The following HSD17B14 variants were observed in gnomAD, a reference collection of about 807,000 sequenced individuals.
HSD17B14 encodes the protein L-fucose dehydrogenase.
A neutral mutation model predicts 32.2 loss-of-function variants in HSD17B14; 32 were observed. That is an observed-to-expected ratio of 0.99 (90% confidence interval 0.75 to 1.33). The LOEUF is 1.33. Ranked by LOEUF, HSD17B14 falls within the 40% of genes most tolerant of loss-of-function variation. The pLI, the probability that HSD17B14 is intolerant of heterozygous loss-of-function variation, is 0.00. For missense variants in HSD17B14, 370 were observed against 366.5 expected (o/e 1.01, Z -0.08); for synonymous variants, 140 against 155.4 (o/e 0.90, Z 0.74).
At position 48,823,749 on chromosome 19, in the gene HSD17B14, T is replaced by C. The variant is rs771600967; in HGVS notation, c.369+7919A>G. 1.5e-4 allele frequency among the ~76,000 whole-genome samples: 23 copies of C among 150,954 alleles called. 1 individual carries two copies. The highest frequency in any genetic ancestry group is 3.1e-4 in the Non-Finnish European group (21 of 67,794). On this transcript the variant is annotated intron_variant, in intron 5 of 8. Transcript: ENST00000263278. ...CCTCCCTGGGTCCAAGTGATTCTCCTGCCTCAGCCTCCCGAGTAGCTGGGA... is the reference window on the plus strand; with the variant it reads ...CCTCCCTGGGTCCAAGTGATTCTCCCGCCTCAGCCTCCCGAGTAGCTGGGA...
intron 3 of HSD17B14, 41 bp downstream of exon 3, chr19:48,834,235 T>C (rs1453482985): frequency 2.0e-6 from 3 of 1,494,896 alleles, no homozygotes; most frequent in Admixed American, 3.4e-5. Context: ...AAAGAACTGG[T>C]CATTAGCGGA....
intron 5 of HSD17B14, among the ~76,000 whole-genome samples, chr19:48,822,964 C>T (rs181313488): frequency 2.6e-4 from 40 of 152,044 alleles, no homozygotes; most frequent in African/African-American, 8.9e-4. Context: ...ATAATGGCAG[C>T]GACACAAGTG....
At chr19:48,836,211 T>C in intron 1 of HSD17B14, 113 bp downstream of exon 1, 2 of 1,134,846 alleles carry the variant, frequency 1.8e-6, no homozygotes, top group Admixed American at 2.2e-5. Context: ...TTGGCTTTTA[T>C]AATATCAGAA....
chr19:48,823,936 C>T (rs559235362), intron 5 of HSD17B14, among the ~76,000 whole-genome samples: 12 of 150,426 alleles, frequency 8.0e-5, no homozygotes, highest in African/African-American at 2.2e-4. Flanking sequence ...CCACTGCATC[C>T]GGTCTATTTT....
chr19:48,824,903 C>T (rs1161480007), intron 5 of HSD17B14, among the ~76,000 whole-genome samples: 1 of 152,080 alleles, frequency 6.6e-6, no homozygotes, highest in Non-Finnish European at 1.5e-5. Flanking sequence ...AAAAAGCATT[C>T]TAATACACTG....
chr19:48,816,485 G>A (rs2035053112), intron 5 of HSD17B14, among the ~76,000 whole-genome samples: 1 of 152,112 alleles, frequency 6.6e-6, no homozygotes, highest in African/African-American at 2.4e-5. Flanking sequence ...CCCACTCTTA[G>A]GGTGGCCAGC....
intron 5 of HSD17B14, among the ~76,000 whole-genome samples, chr19:48,825,816 A>G (rs1455076285): frequency 6.6e-6 from 1 of 151,576 alleles, no homozygotes; most frequent in Non-Finnish European, 1.5e-5. Context: ...CAACTTGACC[A>G]ACTTTATTTA....
intron 5 of HSD17B14, among the ~76,000 whole-genome samples, chr19:48,822,660 ATGG>A (rs2035179855): frequency 6.7e-6 from 1 of 149,814 alleles, no homozygotes; most frequent in South Asian, 2.2e-4. Flanking sequence ...TGTGGTAATG[ATGG>A]TGATGATGAT....
At chr19:48,836,252 C>G in intron 1 of HSD17B14, 72 bp downstream of exon 1, 12 of 1,409,416 alleles carry the variant, frequency 8.5e-6, no homozygotes, top group African/African-American at 1.4e-5. Flanking sequence ...TCCCTATTTT[C>G]CGCCCCCATC....
intron 3 of HSD17B14, 106 bp downstream of exon 3, chr19:48,834,170 C>T (rs1176310449): frequency 3.4e-6 from 3 of 890,878 alleles, no homozygotes; most frequent in Non-Finnish European, 5.4e-6. Context: ...CCAGCGGAGC[C>T]AGGAGAGGAA....
chr19:48,833,786 A>G (rs2035392026), intron 3 of HSD17B14, among the ~76,000 whole-genome samples: 1 of 151,480 alleles, frequency 6.6e-6, no homozygotes, highest in South Asian at 2.1e-4. Context: ...AGATCACACC[A>G]TTGCACTCCA....
intron 5 of HSD17B14, among the ~76,000 whole-genome samples, chr19:48,828,767 T>C (rs2035290802): frequency 1.3e-5 from 2 of 151,236 alleles, no homozygotes. Context: ...CCACCTCTAT[T>C]AAAAAATAAA....
At chr19:48,815,661 G>A (rs1301405825) in intron 5 of HSD17B14, among the ~76,000 whole-genome samples, 1 of 151,968 alleles carries the variant, frequency 6.6e-6, no homozygotes, top group Non-Finnish European at 1.5e-5. Context: ...CAGGCACGAG[G>A]CATCACACCC....
chr19:48,813,574 A>AT, intron 7 of HSD17B14, 22 bp from the exon 8 acceptor site: 1 of 1,613,012 alleles, frequency 6.2e-7, no homozygotes, highest in Non-Finnish European at 8.5e-7. Flanking sequence ...GAGAGGGGGG[A>AT]TCAAAGCAAT....
chr19:48,817,270 C>A (rs911615919), intron 5 of HSD17B14, among the ~76,000 whole-genome samples: 1 of 151,938 alleles, frequency 6.6e-6, no homozygotes, highest in Non-Finnish European at 1.5e-5. Context: ...CTCCTCCCCC[C>A]AGGTTCAAGC....
intron 5 of HSD17B14, among the ~76,000 whole-genome samples, chr19:48,828,142 C>T (rs917439677): frequency 8.5e-5 from 13 of 152,178 alleles, no homozygotes; most frequent in Non-Finnish European, 2.9e-5. Context: ...GCATGAGGTG[C>T]CGCGCCCGGC....
chr19:48,828,985 TG>T (rs1377216186), intron 5 of HSD17B14, among the ~76,000 whole-genome samples: 1 of 151,736 alleles, frequency 6.6e-6, no homozygotes, highest in African/African-American at 2.4e-5. Flanking sequence ...TGCTTAAACC[TG>T]GGAGGCAGAG....
intron 2 of HSD17B14, 128 bp from the exon 3 acceptor site, chr19:48,834,486 G>C (rs989857200): frequency 6.2e-5 from 30 of 480,536 alleles, no homozygotes; most frequent in Middle Eastern, 5.5e-4. Context: ...GGGAGGAGGG[G>C]CTGAGGTCTG....
chr19:48,831,684 G>C lies in HSD17B14; in HGVS notation c.353C>G (p.Thr118Arg), dbSNP rs755171561. ...AGCCCTCACCTTGGTCAAGGTGTAC[G>C]TCCCCAGTAGGTTCAGCTCCAGCAG... ...RQLLELNLLG[T>R]YTLTKLALPY... Residue 118 changes from threonine to arginine, a missense_variant, in exon 5 of 9, where the codon ACG becomes AGG. Transcript: ENST00000263278. The C allele has an allele frequency of 6.2e-7, 1 of 1,613,786 alleles. No homozygotes were observed. Among genetic ancestry groups the C allele is most frequent in the Admixed American group, 1.7e-5 (1 of 59,992 alleles).
Sources: allele counts gnomAD v4.1 joint callset (sites outside exome capture counted in the v4.1 genomes callset), GRCh38; gene constraint gnomAD v4.1.1; transcripts MANE v1.5; gene names NCBI Gene and HGNC (gene_info 2026-07-23, HGNC 2026-07-21).